MAGI1: variants seen among roughly 807,000 people sequenced by gnomAD.
MAGI1 encodes the protein membrane associated guanylate kinase, WW and PDZ domain containing 1.
In MAGI1, 58 loss-of-function variants were observed where a neutral mutation model predicts 139.9. The observed-to-expected ratio is 0.41, with a 90% CI of 0.34 to 0.52. MAGI1 has a LOEUF of 0.52. MAGI1 is among the 20% of genes least tolerant of loss of function. The probability of loss-of-function intolerance (pLI) is 0.12; values close to 1 mark genes in which losing one functional copy is unlikely to be tolerated. For missense variants in MAGI1, 1,874 were observed against 1,901.6 expected (o/e 0.99, Z 0.27); for synonymous variants, 812 against 737.9 (o/e 1.10, Z -1.63).
intron 1 of MAGI1, among the ~76,000 whole-genome samples, chr3:65,838,846 A>G (rs1210537505): frequency 6.6e-6 from 1 of 152,218 alleles, no homozygotes. Flanking sequence ...CCCACCAACA[A>G]TGTATGAGAG....
At chr3:65,790,026 T>C (rs1372908193) in intron 1 of MAGI1, among the ~76,000 whole-genome samples, 5 of 152,210 alleles carry the variant, frequency 3.3e-5, no homozygotes, top group African/African-American at 1.2e-4. Context: ...ATGTATTGCA[T>C]GTCTTTTACT....
At chr3:65,859,716 A>G (rs1192270633) in intron 1 of MAGI1, among the ~76,000 whole-genome samples, 5 of 148,616 alleles carry the variant, frequency 3.4e-5, no homozygotes, top group African/African-American at 1.0e-4. Context: ...GCAAGACTCC[A>G]TCTCAAAAAA....
chr3:65,562,200 C>T (rs1422193032), intron 2 of MAGI1, among the ~76,000 whole-genome samples: 1 of 152,100 alleles, frequency 6.6e-6, no homozygotes, highest in African/African-American at 2.4e-5. Context: ...CTGGAATGTA[C>T]CCCTGTTGAT....
intron 1 of MAGI1, among the ~76,000 whole-genome samples, chr3:65,984,252 C>A (rs111519129): frequency 0.074 from 11,244 of 152,182 alleles, 580 homozygotes; most frequent in South Asian, 0.12. Flanking sequence ...CAAGATTGTG[C>A]CATTGCACTC....
intron 1 of MAGI1, among the ~76,000 whole-genome samples, chr3:65,822,284 A>G (rs925572592): frequency 6.6e-6 from 1 of 152,156 alleles, no homozygotes; most frequent in African/African-American, 2.4e-5. Context: ...ATAAAGAAAT[A>G]CCTAAATCCA....
intron 1 of MAGI1, among the ~76,000 whole-genome samples, chr3:65,684,859 AC>A (rs2087889153): frequency 7.5e-6 from 1 of 132,762 alleles, no homozygotes; most frequent in Non-Finnish European, 1.6e-5. Context: ...AAGCCACCAC[AC>A]CTGGCTAATT....
intron 2 of MAGI1, among the ~76,000 whole-genome samples, chr3:65,570,090 TTA>T: frequency 6.8e-6 from 1 of 146,074 alleles, no homozygotes. Flanking sequence ...ATTATTATTA[TTA>T]TTATTATTAT....
At chr3:66,015,039 C>A (rs2107523920) in intron 1 of MAGI1, among the ~76,000 whole-genome samples, 1 of 152,066 alleles carries the variant, frequency 6.6e-6, no homozygotes, top group African/African-American at 2.4e-5. Flanking sequence ...ACCACCATCC[C>A]CTCACCCAGC....
chr3:65,767,681 G>C (rs1010284915), intron 1 of MAGI1, among the ~76,000 whole-genome samples: 3 of 152,274 alleles, frequency 2.0e-5, no homozygotes, highest in South Asian at 2.1e-4. Flanking sequence ...GGCCCCAACA[G>C]AACAGACCAA....
At chr3:65,684,868 ATTTTTTTTTTTT>A (rs761948943) in intron 1 of MAGI1, among the ~76,000 whole-genome samples, 14 of 98,182 alleles carry the variant, frequency 1.4e-4, no homozygotes, top group African/African-American at 2.8e-4. Context: ...CACCTGGCTA[ATTTTTTTTTTTT>A]TTTTTTTTTT....
chr3:65,636,135 C>T (rs1205154158), intron 1 of MAGI1, among the ~76,000 whole-genome samples: 23 of 152,046 alleles, frequency 1.5e-4, no homozygotes, highest in Admixed American at 3.9e-4. Context: ...AAGAGGGATA[C>T]GGGAGGAGAG....
chr3:65,520,191 T>C (rs1164756715), intron 2 of MAGI1, among the ~76,000 whole-genome samples: 1 of 152,210 alleles, frequency 6.6e-6, no homozygotes, highest in African/African-American at 2.4e-5. Context: ...TACAGATTCA[T>C]ATGCAAAATA....
intron 2 of MAGI1, among the ~76,000 whole-genome samples, chr3:65,523,591 G>A (rs1021329107): frequency 2.6e-5 from 4 of 152,154 alleles, no homozygotes; most frequent in Middle Eastern, 3.2e-3. Flanking sequence ...CATGCATCCT[G>A]TTCCATGGAG....
Position 65,356,504 on chromosome 3 carries a change from C to A in MAGI1, c.4263G>T (p.Glu1421Asp). ...CCCTTTCTCGGTGGCTGGCTCTGTC[C>A]TCTCTGTTCCTTTTGTCCAGGGACC... ...RERSLDKRNR[E>D]DRASHREREE... The change falls in exon 23 of 23, where the codon GAG becomes GAT. Residue 1421 changes from glutamate to aspartate, a missense_variant. Coordinates refer to ENST00000402939, the MANE Select transcript of MAGI1 (RefSeq NM_001033057.2). 1 of 1,606,776 alleles carries A rather than the reference C, an allele frequency of 6.2e-7. No individual in the cohort carries two copies. The highest frequency in any genetic ancestry group is 2.2e-5 in the East Asian group (1 of 44,574).
intron 1 of MAGI1, among the ~76,000 whole-genome samples, chr3:65,649,817 C>T (rs1405919585): frequency 6.6e-6 from 1 of 152,150 alleles, no homozygotes; most frequent in Admixed American, 6.5e-5. Flanking sequence ...GCTATTACTA[C>T]ACACCTATCA....
intron 1 of MAGI1, among the ~76,000 whole-genome samples, chr3:65,723,820 C>T (rs958825031): frequency 1.3e-5 from 2 of 152,146 alleles, no homozygotes; most frequent in Non-Finnish European, 2.9e-5. Flanking sequence ...GAGTGATCAT[C>T]TTAATTATAT....
intron 1 of MAGI1, among the ~76,000 whole-genome samples, chr3:65,979,907 G>A (rs556716769): frequency 2.0e-5 from 3 of 152,312 alleles, no homozygotes; most frequent in African/African-American, 7.2e-5. Flanking sequence ...ACTCCAGAGA[G>A]TCATCTTGAA....
At chr3:65,982,530 G>T (rs2065639479) in intron 1 of MAGI1, among the ~76,000 whole-genome samples, 1 of 152,028 alleles carries the variant, frequency 6.6e-6, no homozygotes, top group African/African-American at 2.4e-5. Flanking sequence ...TAAAAATGAT[G>T]GTATATTTTA....
chr3:65,856,838 C>T (rs2059392039), intron 1 of MAGI1, among the ~76,000 whole-genome samples: 1 of 152,212 alleles, frequency 6.6e-6, no homozygotes, highest in Non-Finnish European at 1.5e-5. Context: ...CCTTGCCTCT[C>T]CATGGGAGTT....
Sources: gnomAD v4.1 joint callset for allele counts (sites outside exome capture counted in the v4.1 genomes callset) on GRCh38, gnomAD v4.1.1 for gene constraint, MANE v1.5 for transcripts, NCBI Gene and HGNC (gene_info 2026-07-23, HGNC 2026-07-21) for gene names.